Variants in DNER observed in about 807,000 individuals in gnomAD.
DNER encodes delta/notch like EGF repeat containing.
Under a neutral mutation model 78.2 loss-of-function variants are expected in DNER, and 33 were observed. The observed-to-expected ratio is 0.42, with a 90% CI of 0.32 to 0.56. The LOEUF (loss-of-function observed/expected upper bound fraction) is 0.56. Among genes scored for constraint, DNER ranks in the 20% least tolerant of loss-of-function variants. The probability of loss-of-function intolerance (pLI) is 0.11; values close to 1 mark genes in which losing one functional copy is unlikely to be tolerated. For missense variants in DNER, 918 were observed against 975.3 expected (o/e 0.94, Z 0.78); for synonymous variants, 417 against 384.8 (o/e 1.08, Z -0.98).
In DNER at chr2:229,388,290, A is replaced by C. The variant is rs1433886915; in HGVS notation, c.1830T>G (p.Gly610=). Residue 610 remains glycine, a synonymous_variant, in exon 11 of 13, where the codon GGT becomes GGG. Coordinates refer to ENST00000341772, the MANE Select transcript of DNER (RefSeq NM_139072.4). Reference sequence around the variant, plus strand: ...GGATCTCACAGTTTGCTCCCACCCAACCATGCGGGCAGTGGCAGTTATAAC... The same window carrying C: ...GGATCTCACAGTTTGCTCCCACCCACCCATGCGGGCAGTGGCAGTTATAAC... ...PNGYNCHCPH[G]WVGANCEIHL... The C allele has an allele frequency of 6.2e-7, 1 of 1,609,790 alleles. No homozygotes were observed. Among genetic ancestry groups the C allele is most frequent in the Admixed American group, 1.7e-5 (1 of 59,680 alleles).
chr2:229,679,093 G>A (rs1699346232), intron 1 of DNER, among the ~76,000 whole-genome samples: 1 of 152,138 alleles, frequency 6.6e-6, no homozygotes, highest in African/African-American at 2.4e-5. Flanking sequence ...CAGAGGCCCT[G>A]TAGACAGAGT....
At chr2:229,614,897 T>G (rs1352413064) in intron 1 of DNER, among the ~76,000 whole-genome samples, 1 of 152,254 alleles carries the variant, frequency 6.6e-6, no homozygotes, top group Non-Finnish European at 1.5e-5. Context: ...ACTTGAAGTC[T>G]AACATTCTGT....
intron 7 of DNER, among the ~76,000 whole-genome samples, chr2:229,455,388 G>A (rs1303578779): frequency 6.6e-6 from 1 of 152,094 alleles, no homozygotes; most frequent in Non-Finnish European, 1.5e-5. Context: ...ATAAATGTCG[G>A]ATTCTTTTCC....
rs145588740 is a variant in DNER at position 229,585,977 on chromosome 2, G to C, written c.728C>G (p.Thr243Arg). ...TASLILLWKV[T>R]ATGFQQCSLI... ...GGAGCACTGTTGGAATCCTGTGGCCGTGACCTTCCAGAGCAAAATCAGTGA... is the reference window on the plus strand; with the variant it reads ...GGAGCACTGTTGGAATCCTGTGGCCCTGACCTTCCAGAGCAAAATCAGTGA... The change falls in exon 4 of 13, where the codon ACG (threonine) becomes AGG (arginine). Residue 243 changes from threonine (T) to arginine (R), a missense_variant. Physicochemically the swap from Thr to Arg is moderately conservative, Grantham distance 71. Transcript: ENST00000341772. 2 of 1,613,818 alleles carry C rather than the reference G, an allele frequency of 1.2e-6. No individual in the cohort carries two copies. The highest frequency in any genetic ancestry group is 2.2e-5 in the South Asian group (2 of 91,014).
At chr2:229,639,945 C>T (rs1364494293) in intron 1 of DNER, among the ~76,000 whole-genome samples, 1 of 152,220 alleles carries the variant, frequency 6.6e-6, no homozygotes. Context: ...GACAACCCTC[C>T]ATTTGAACTT....
At chr2:229,575,889 T>A (rs1697289197) in intron 4 of DNER, among the ~76,000 whole-genome samples, 1 of 152,218 alleles carries the variant, frequency 6.6e-6, no homozygotes, top group Non-Finnish European at 1.5e-5. Context: ...AAGAATAATC[T>A]TGATTGCTGA....
chr2:229,365,459 C>T (rs1473580360), intron 12 of DNER, among the ~76,000 whole-genome samples: 1 of 152,088 alleles, frequency 6.6e-6, no homozygotes, highest in Admixed American at 6.5e-5. Context: ...TGTTTTGAGA[C>T]AGAGTCTCTA....
intron 1 of DNER, among the ~76,000 whole-genome samples, chr2:229,605,996 T>A (rs1697928573): frequency 6.6e-6 from 1 of 152,160 alleles, no homozygotes; most frequent in South Asian, 2.1e-4. Context: ...AAGATTTTAA[T>A]TGAACTGATG....
intron 4 of DNER, 111 bp from the exon 5 acceptor site, chr2:229,547,203 G>T: frequency 7.0e-7 from 1 of 1,437,578 alleles, no homozygotes; most frequent in Non-Finnish European, 9.3e-7. Flanking sequence ...AGTGTAGGCA[G>T]CACTCAAGTC....
At chr2:229,391,709 T>G (rs1574821988) in intron 10 of DNER, among the ~76,000 whole-genome samples, 1 of 152,012 alleles carries the variant, frequency 6.6e-6, no homozygotes, top group East Asian at 1.9e-4. Flanking sequence ...GCCCAGTGAA[T>G]TTTTTGTATT....
intron 11 of DNER, among the ~76,000 whole-genome samples, chr2:229,382,915 C>T (rs1028030843): frequency 6.6e-6 from 1 of 152,052 alleles, no homozygotes; most frequent in Non-Finnish European, 1.5e-5. Context: ...ACAGAGAACA[C>T]CACAAAGATA....
chr2:229,500,749 G>A (rs1288969286), intron 6 of DNER, among the ~76,000 whole-genome samples: 1 of 149,676 alleles, frequency 6.7e-6, no homozygotes, highest in Admixed American at 6.6e-5. Context: ...ATTGTGTATG[G>A]TTACAAGAGT....
At chr2:229,462,624 T>A (rs1694727188) in intron 7 of DNER, among the ~76,000 whole-genome samples, 1 of 152,080 alleles carries the variant, frequency 6.6e-6, no homozygotes, top group East Asian at 1.9e-4. Context: ...CAGTTTTCTC[T>A]TATGAGATTC....
At chr2:229,510,985 C>T (rs1339668466) in intron 6 of DNER, among the ~76,000 whole-genome samples, 3 of 152,178 alleles carry the variant, frequency 2.0e-5, no homozygotes, top group African/African-American at 4.8e-5. Context: ...AATACACACA[C>T]TCTGACCTAC....
intron 1 of DNER, among the ~76,000 whole-genome samples, chr2:229,706,643 C>T (rs1699831927): frequency 6.6e-6 from 1 of 152,198 alleles, no homozygotes; most frequent in African/African-American, 2.4e-5. Flanking sequence ...AACATGTAAG[C>T]AGCCACAGAC....
At chr2:229,634,484 T>A (rs1360765300) in intron 1 of DNER, among the ~76,000 whole-genome samples, 1 of 152,214 alleles carries the variant, frequency 6.6e-6, no homozygotes, top group East Asian at 1.9e-4. Context: ...GAAAATGGTA[T>A]AATTTTACTT....
intron 7 of DNER, among the ~76,000 whole-genome samples, chr2:229,475,194 G>A (rs1342774490): frequency 2.0e-5 from 3 of 152,168 alleles, no homozygotes; most frequent in African/African-American, 7.2e-5. Flanking sequence ...ACACCAAGAT[G>A]CAGGGAGGTA....
At chr2:229,711,474 A>C (rs1236134872) in intron 1 of DNER, among the ~76,000 whole-genome samples, 2 of 152,188 alleles carry the variant, frequency 1.3e-5, no homozygotes, top group Non-Finnish European at 2.9e-5. Context: ...CAAAAGAAGC[A>C]TGTCCTAGAC....
At chr2:229,664,403 G>T (rs1364128068) in intron 1 of DNER, among the ~76,000 whole-genome samples, 1 of 152,170 alleles carries the variant, frequency 6.6e-6, no homozygotes, top group African/African-American at 2.4e-5. Context: ...AGCACTGCGG[G>T]AGGCCAAGAT....
Sources: allele counts gnomAD v4.1 joint callset (sites outside exome capture counted in the v4.1 genomes callset), GRCh38; gene constraint gnomAD v4.1.1; transcripts MANE v1.5; gene names NCBI Gene and HGNC (gene_info 2026-07-23, HGNC 2026-07-21).